SIL1: variants seen among roughly 807,000 people sequenced by gnomAD.
SIL1 encodes the protein nucleotide exchange factor SIL1.
Under a neutral mutation model 49.1 loss-of-function variants are expected in SIL1, and 40 were observed. The observed-to-expected ratio is 0.81, with a 90% CI of 0.63 to 1.06. SIL1 has a LOEUF of 1.06. Ranked by LOEUF, SIL1 falls within the 50% of genes least tolerant of loss-of-function variation. SIL1 has a pLI of 0.00. For missense variants in SIL1, 500 were observed against 572.6 expected, an observed-to-expected ratio of 0.87 and a Z score of 1.29; for synonymous variants, 253 against 250.8, an observed-to-expected ratio of 1.01 and a Z score of -0.08.
At chr5:139,056,356 G>C (rs904295223) in intron 3 of SIL1, among the ~76,000 whole-genome samples, 3 of 149,928 alleles carry the variant, frequency 2.0e-5, no homozygotes, top group Admixed American at 6.6e-5. Flanking sequence ...ATCTCTGCCC[G>C]GCCAACCCGT....
chr5:138,990,832 T>A (rs1206852190), intron 7 of SIL1, among the ~76,000 whole-genome samples: 1 of 152,178 alleles, frequency 6.6e-6, no homozygotes, highest in African/African-American at 2.4e-5. Context: ...TCTCCTGCCT[T>A]AGCCTCCCAA....
At chr5:138,994,254 GA>G (rs1245689014) in intron 7 of SIL1, among the ~76,000 whole-genome samples, 1 of 152,012 alleles carries the variant, frequency 6.6e-6, no homozygotes, top group African/African-American at 2.4e-5. Context: ...TAACATCCAA[GA>G]AAAAATGTAA....
At chr5:139,025,582 G>A (rs1206366762) in intron 6 of SIL1, among the ~76,000 whole-genome samples, 1 of 152,124 alleles carries the variant, frequency 6.6e-6, no homozygotes. Flanking sequence ...TTAGGATCAA[G>A]GCTAAAATCA....
intron 3 of SIL1, among the ~76,000 whole-genome samples, chr5:139,101,281 C>T (rs1350422224): frequency 6.6e-6 from 1 of 152,144 alleles, no homozygotes; most frequent in Non-Finnish European, 1.5e-5. Flanking sequence ...TTGCAAGCTG[C>T]TCCTCCCACC....
chr5:139,158,399 A>T (rs757188862), intron 1 of SIL1, among the ~76,000 whole-genome samples: 19 of 152,244 alleles, frequency 1.2e-4, no homozygotes, highest in Non-Finnish European at 2.5e-4. Flanking sequence ...CCATTCCTGC[A>T]TCCTCAGAGA....
At chr5:139,045,106 C>T (rs192784373) in intron 4 of SIL1, among the ~76,000 whole-genome samples, 339 of 152,218 alleles carry the variant, frequency 2.2e-3, no homozygotes, top group African/African-American at 7.9e-3. Context: ...CCTGTAATTC[C>T]GGCACTTTGG....
intron 7 of SIL1, among the ~76,000 whole-genome samples, chr5:138,984,170 G>A (rs1403207683): frequency 6.6e-6 from 1 of 152,136 alleles, no homozygotes; most frequent in Admixed American, 6.6e-5. Flanking sequence ...TAGAGCAGCT[G>A]TGCTTGCAGG....
At chr5:139,037,280 G>T (rs952524096) in intron 5 of SIL1, among the ~76,000 whole-genome samples, 2 of 152,122 alleles carry the variant, frequency 1.3e-5, no homozygotes, top group Non-Finnish European at 2.9e-5. Flanking sequence ...GTTTTCAGAA[G>T]TTTAACTGTG....
chr5:139,081,878 TA>T (rs781441720), intron 3 of SIL1, among the ~76,000 whole-genome samples: 44 of 137,808 alleles, frequency 3.2e-4, no homozygotes, highest in Admixed American at 2.9e-4. Flanking sequence ...GACTCTGTCT[TA>T]AAAAAAAAAA....
At chr5:139,109,147 C>T (rs1428933278) in intron 3 of SIL1, among the ~76,000 whole-genome samples, 1 of 152,250 alleles carries the variant, frequency 6.6e-6, no homozygotes, top group East Asian at 1.9e-4. Context: ...TAAAAGAGCC[C>T]TCTCCTTTGA....
chr5:139,148,939 C>T (rs1452227089), intron 1 of SIL1, among the ~76,000 whole-genome samples: 2 of 152,164 alleles, frequency 1.3e-5, no homozygotes, highest in Non-Finnish European at 2.9e-5. Context: ...TATGGCAGCT[C>T]TCCTTAAAAC....
At position 139,175,293 on chromosome 5, in the gene SIL1, C is replaced by T. The variant is rs183773235; in HGVS notation, c.-11+22976G>A. Among the ~76,000 whole-genome samples, 7 of 152,284 alleles carry T rather than the reference C, an allele frequency of 4.6e-5. No homozygotes were observed. The East Asian group carries it at 1.2e-3, about 25-fold the overall frequency. ...GCAAGATCGCACCACTGCACTCCAG[C>T]CTGGGCAACAAGAGCGAAGCTCCAT... On this transcript the variant is annotated intron_variant, in intron 1 of 9. Transcript: ENST00000394817.
chr5:139,021,163 C>T lies in SIL1; in HGVS notation c.767+8G>A. 1.2e-6 allele frequency: 2 copies of T among 1,614,172 alleles called. No homozygotes were observed. The highest frequency in any genetic ancestry group is 4.5e-5 in the East Asian group (2 of 44,876). ...TCTGGCCATTGGGACGTCCATTATA[C>T]TGCTCACCTGGAAAAGGCAGCGCCC... On this transcript the variant is annotated splice_region_variant and intron_variant, in intron 7 of 9. Transcript: ENST00000394817.
chr5:139,165,838 A>AT (rs1751607432), intron 1 of SIL1, among the ~76,000 whole-genome samples: 1 of 144,410 alleles, frequency 6.9e-6, no homozygotes, highest in African/African-American at 2.6e-5. Flanking sequence ...TTTTTTTATT[A>AT]TTTTTTAGTA....
At chr5:138,972,788 A>G (rs1172556619) in intron 7 of SIL1, among the ~76,000 whole-genome samples, 2 of 152,250 alleles carry the variant, frequency 1.3e-5, no homozygotes, top group Non-Finnish European at 2.9e-5. Context: ...AAAATAGTAC[A>G]TGAACCAAGA....
chr5:139,056,699 C>G (rs1294405893), intron 3 of SIL1, among the ~76,000 whole-genome samples: 5 of 142,810 alleles, frequency 3.5e-5, no homozygotes, highest in East Asian at 2.2e-4. Flanking sequence ...GAGGTGGGGG[C>G]GTCAGCCCCC....
intron 3 of SIL1, among the ~76,000 whole-genome samples, chr5:139,079,735 A>G (rs1026666734): frequency 1.3e-5 from 2 of 152,212 alleles, no homozygotes; most frequent in Non-Finnish European, 2.9e-5. Context: ...ACTAACTAAA[A>G]CCAAAAGTTC....
At chr5:138,995,799 T>C (rs1375996652) in intron 7 of SIL1, among the ~76,000 whole-genome samples, 1 of 152,214 alleles carries the variant, frequency 6.6e-6, no homozygotes, top group Non-Finnish European at 1.5e-5. Context: ...TATATATAAG[T>C]GAGAACATGT....
chr5:139,077,301 A>G (rs1305715524), intron 3 of SIL1, among the ~76,000 whole-genome samples: 1 of 152,188 alleles, frequency 6.6e-6, no homozygotes, highest in Non-Finnish European at 1.5e-5. Context: ...ACAAAATACA[A>G]TTCCTTTTTT....
Sources: gnomAD v4.1 joint callset for allele counts (sites outside exome capture counted in the v4.1 genomes callset) on GRCh38, gnomAD v4.1.1 for gene constraint, MANE v1.5 for transcripts, NCBI Gene and HGNC (gene_info 2026-07-23, HGNC 2026-07-21) for gene names.